Variants in MYO6 observed in about 807,000 individuals in gnomAD.
MYO6 encodes the protein myosin VI, also known as unconventional myosin-VI.
In MYO6, 74 loss-of-function variants were observed where a neutral mutation model predicts 178.7. That is an observed-to-expected ratio of 0.41 (90% CI 0.34 to 0.50). The LOEUF is 0.50. Ranked by LOEUF, MYO6 falls within the 20% of genes least tolerant of loss-of-function variation. The pLI is 0.09. For synonymous variants in MYO6, 477 were observed against 504.6 expected (o/e 0.95, Z 0.73); for missense variants, 1,330 against 1,547.4 (o/e 0.86, Z 2.36).
intron 20 of MYO6, among the ~76,000 whole-genome samples, chr6:75,877,098 C>T (rs988266586): frequency 2.0e-5 from 3 of 152,058 alleles, no homozygotes; most frequent in African/African-American, 7.2e-5. Context: ...CTGCCTCAGC[C>T]TCCCAAGTAG....
At chr6:75,846,286 TATTA>T (rs1014083495) in intron 10 of MYO6, among the ~76,000 whole-genome samples, 10 of 152,108 alleles carry the variant, frequency 6.6e-5, no homozygotes, top group African/African-American at 2.4e-4. Flanking sequence ...ATGTTACTTT[TATTA>T]ATTTTATTAA....
At chr6:75,822,715 T>G in intron 2 of MYO6, 67 bp from the exon 3 acceptor site, 2 of 1,244,448 alleles carry the variant, frequency 1.6e-6, no homozygotes, top group Non-Finnish European at 2.4e-6. Flanking sequence ...TGCAACCAAT[T>G]AAGCCCTTCT....
At chr6:75,798,758 G>C (rs1414130061) in intron 1 of MYO6, among the ~76,000 whole-genome samples, 2 of 152,182 alleles carry the variant, frequency 1.3e-5, no homozygotes, top group Admixed American at 6.5e-5. Flanking sequence ...GTCCTAGCCA[G>C]AGCAGTCAGG....
intron 2 of MYO6, among the ~76,000 whole-genome samples, chr6:75,821,860 T>C (rs536248622): frequency 1.2e-4 from 19 of 152,304 alleles, no homozygotes; most frequent in African/African-American, 4.1e-4. Context: ...TATGAGATGT[T>C]ATCTTAATTC....
At chr6:75,812,191 A>C (rs1270009122) in intron 1 of MYO6, among the ~76,000 whole-genome samples, 1 of 152,082 alleles carries the variant, frequency 6.6e-6, no homozygotes, top group Non-Finnish European at 1.5e-5. Context: ...GCTAATGTTT[A>C]AAATTTTTGA....
In MYO6 at chr6:75,769,865, A is replaced by C. The variant is rs919255711; in HGVS notation, c.-48+20442A>C. 5.9e-5 allele frequency among the ~76,000 whole-genome samples: 9 copies of C among 151,812 alleles called. No individual in the cohort carries two copies. The East Asian group carries it at 1.5e-3, about 26-fold the overall frequency. On this transcript the variant is annotated intron_variant, in intron 1 of 34. Transcript: ENST00000369977. ...CAGTGAGCTGAGATCGTGCCATTGC[A>C]CTCTGGCCTGGGCTACACGGTGAGA...
At chr6:75,817,093 C>T (rs564803946) in intron 1 of MYO6, among the ~76,000 whole-genome samples, 1 of 152,182 alleles carries the variant, frequency 6.6e-6, no homozygotes, top group Non-Finnish European at 1.5e-5. Flanking sequence ...ATCACGAGGT[C>T]AGGAGATCGA....
At chr6:75,776,676 G>GTGTGTGTGTA (rs1266038377) in intron 1 of MYO6, among the ~76,000 whole-genome samples, 2 of 151,664 alleles carry the variant, frequency 1.3e-5, no homozygotes, top group Non-Finnish European at 2.9e-5. Context: ...GTGTGTGTGT[G>GTGTGTGTGTA]TGTGTGTATG....
At chr6:75,763,267 A>G (rs965647313) in intron 1 of MYO6, among the ~76,000 whole-genome samples, 1 of 150,558 alleles carries the variant, frequency 6.6e-6, no homozygotes, top group Non-Finnish European at 1.5e-5. Context: ...CTCATGATCC[A>G]CCCACCTTGG....
chr6:75,814,645 T>C (rs764923943), intron 1 of MYO6, among the ~76,000 whole-genome samples: 11 of 152,114 alleles, frequency 7.2e-5, no homozygotes, highest in Admixed American at 3.9e-4. Context: ...GTTGATTGCT[T>C]GAGCCCAGGA....
At chr6:75,896,694 G>C (rs980279711) in intron 29 of MYO6, among the ~76,000 whole-genome samples, 1 of 152,152 alleles carries the variant, frequency 6.6e-6, no homozygotes, top group Non-Finnish European at 1.5e-5. Flanking sequence ...GTTCTTCCTT[G>C]GGTAGGACAT....
intron 1 of MYO6, among the ~76,000 whole-genome samples, chr6:75,786,467 C>G (rs1767578160): frequency 1.3e-5 from 2 of 152,174 alleles, no homozygotes; most frequent in South Asian, 4.1e-4. Context: ...ACCTAGAGAT[C>G]ATGTTGGAGA....
At chr6:75,752,659 G>GT (rs1486453882) in intron 1 of MYO6, among the ~76,000 whole-genome samples, 1 of 152,246 alleles carries the variant, frequency 6.6e-6, no homozygotes, top group African/African-American at 2.4e-5. Context: ...GCATCCAGGA[G>GT]TAGATATGAT....
chr6:75,778,996 G>A (rs1182390550), intron 1 of MYO6, among the ~76,000 whole-genome samples: 6 of 146,596 alleles, frequency 4.1e-5, no homozygotes, highest in Non-Finnish European at 8.9e-5. Context: ...GGTTGAGGCT[G>A]CAGTGAACCG....
chr6:75,834,298 T>A (rs1773422239), intron 6 of MYO6, among the ~76,000 whole-genome samples: 2 of 152,022 alleles, frequency 1.3e-5, no homozygotes, highest in Admixed American at 1.3e-4. Flanking sequence ...AGTGGTGCAA[T>A]CATAGCTCAC....
Position 75,848,337 on chromosome 6 carries a change from T to G in MYO6, c.898-14T>G. On this transcript the variant is annotated splice_polypyrimidine_tract_variant and intron_variant, in intron 10 of 34. Coordinates refer to ENST00000369977, the MANE Select transcript of MYO6 (RefSeq NM_004999.4). ...ATGTAACGATCAGTTAATTGGTGTC[T>G]TCTTGTTTTGTAGTACCTTAAGGCA... 6.2e-7 allele frequency: 1 copy of G among 1,611,532 alleles called. No individual in the cohort carries two copies. The highest frequency in any genetic ancestry group is 1.1e-5 in the South Asian group (1 of 91,022).
At chr6:75,825,000 C>T (rs1486306807) in intron 3 of MYO6, among the ~76,000 whole-genome samples, 1 of 152,104 alleles carries the variant, frequency 6.6e-6, no homozygotes, top group African/African-American at 2.4e-5. Flanking sequence ...CTCAGATGAT[C>T]TGCCTGCCTT....
At chr6:75,865,943 G>C (rs1335713220) in intron 16 of MYO6, among the ~76,000 whole-genome samples, 1 of 152,206 alleles carries the variant, frequency 6.6e-6, no homozygotes, top group Admixed American at 6.5e-5. Flanking sequence ...GCTTTGGGAT[G>C]TTTAAAAGTT....
At chr6:75,808,112 T>C (rs1384344470) in intron 1 of MYO6, among the ~76,000 whole-genome samples, 1 of 152,258 alleles carries the variant, frequency 6.6e-6, no homozygotes, top group Non-Finnish European at 1.5e-5. Context: ...CAAGGAATAC[T>C]TTATTCAAGG....
Sources: allele counts gnomAD v4.1 joint callset (sites outside exome capture counted in the v4.1 genomes callset), GRCh38; gene constraint gnomAD v4.1.1; transcripts MANE v1.5; gene names NCBI Gene and HGNC (gene_info 2026-07-23, HGNC 2026-07-21).